Variants in GNAO1 observed in about 807,000 individuals in gnomAD.
GNAO1 encodes the protein G protein subunit alpha o1.
For synonymous variants in GNAO1, 164 were observed against 180.7 expected, an observed-to-expected ratio of 0.91 and a Z score of 0.74; for missense variants, 166 against 478.7, an observed-to-expected ratio of 0.35 and a Z score of 6.10.
chr16:56,207,845 G>A (rs2036344852), intron 2 of GNAO1, among the ~76,000 whole-genome samples: 1 of 152,194 alleles, frequency 6.6e-6, no homozygotes, highest in African/African-American at 2.4e-5. Flanking sequence ...CATGCAAAAT[G>A]TACATTAATC....
chr16:56,271,878 A>C (rs1256368929), intron 2 of GNAO1, among the ~76,000 whole-genome samples: 1 of 152,208 alleles, frequency 6.6e-6, no homozygotes, highest in Non-Finnish European at 1.5e-5. Context: ...TACCAGGGAC[A>C]CACAGCTCAT....
At chr16:56,325,081 C>T (rs1358198976) in intron 3 of GNAO1, among the ~76,000 whole-genome samples, 1 of 152,252 alleles carries the variant, frequency 6.6e-6, no homozygotes, top group Non-Finnish European at 1.5e-5. Flanking sequence ...CCACTCACTT[C>T]TAGAGCCACG....
intron 6 of GNAO1, among the ~76,000 whole-genome samples, chr16:56,339,122 G>A (rs566368759): frequency 3.9e-5 from 6 of 152,386 alleles, no homozygotes; most frequent in Admixed American, 1.3e-4. Context: ...GCTCATTGCC[G>A]TGGTGGCAGC....
chr16:56,299,295 C>G (rs2037318789), intron 3 of GNAO1, among the ~76,000 whole-genome samples: 1 of 152,242 alleles, frequency 6.6e-6, no homozygotes, highest in African/African-American at 2.4e-5. Context: ...AGAGAGAAGG[C>G]CTTTCTCACT....
At chr16:56,209,599 G>A (rs2036366402) in intron 2 of GNAO1, among the ~76,000 whole-genome samples, 1 of 152,140 alleles carries the variant, frequency 6.6e-6, no homozygotes, top group Non-Finnish European at 1.5e-5. Context: ...CCTGATCCAT[G>A]AGCATGATAT....
At chr16:56,207,581 C>T (rs149924672) in intron 2 of GNAO1, among the ~76,000 whole-genome samples, 90 of 152,224 alleles carry the variant, frequency 5.9e-4, no homozygotes, top group African/African-American at 2.0e-3. Context: ...TACTTTTTAC[C>T]AACTTGGATG....
intron 3 of GNAO1, among the ~76,000 whole-genome samples, chr16:56,285,573 C>T (rs1212134071): frequency 2.0e-5 from 3 of 152,210 alleles, no homozygotes; most frequent in East Asian, 1.9e-4. Flanking sequence ...CAGAGAGGGG[C>T]CTGCCTGGCC....
chr16:56,335,594 T>C (rs1429088968), intron 5 of GNAO1, among the ~76,000 whole-genome samples: 1 of 152,184 alleles, frequency 6.6e-6, no homozygotes, highest in African/African-American at 2.4e-5. Context: ...CCGCTCCTGT[T>C]CAGACTGAGG....
chr16:56,221,250 T>A (rs1596804839), intron 2 of GNAO1, among the ~76,000 whole-genome samples: 2 of 112,842 alleles, frequency 1.8e-5, no homozygotes, highest in African/African-American at 9.0e-5. Flanking sequence ...ATCTCAGGTA[T>A]TTTTTTTATA....
intron 6 of GNAO1, chr16:56,347,756 T>TGCCAG: frequency 1.1e-6 from 1 of 918,338 alleles, no homozygotes; most frequent in Non-Finnish European, 1.3e-6. Context: ...GTCCTCCCCT[T>TGCCAG]CCCTCCCCAC....
intron 2 of GNAO1, among the ~76,000 whole-genome samples, chr16:56,244,775 C>A (rs553524629): frequency 6.6e-6 from 1 of 152,240 alleles, no homozygotes; most frequent in Non-Finnish European, 1.5e-5. Context: ...CCAGTATAGC[C>A]AAGCTGGGCA....
chr16:56,321,620 C>T (rs2037571920), intron 3 of GNAO1, among the ~76,000 whole-genome samples: 1 of 152,196 alleles, frequency 6.6e-6, no homozygotes, highest in South Asian at 2.1e-4. Context: ...GCAGACCACT[C>T]AGACTGGGCT....
intron 3 of GNAO1, among the ~76,000 whole-genome samples, chr16:56,319,362 G>A (rs577240165): frequency 5.3e-5 from 8 of 152,276 alleles, no homozygotes; most frequent in African/African-American, 1.4e-4. Context: ...TCTGAGAAGC[G>A]CGGAAGAAGG....
chr16:56,325,230 A>C (rs2037619444), intron 3 of GNAO1, among the ~76,000 whole-genome samples: 1 of 152,320 alleles, frequency 6.6e-6, no homozygotes, highest in South Asian at 2.1e-4. Context: ...TAATCCCAAC[A>C]CTTTGGGAGG....
At chr16:56,194,564 C>T (rs961225073) in intron 2 of GNAO1, 4 of 239,792 alleles carry the variant, frequency 1.7e-5, no homozygotes, top group South Asian at 1.6e-4. Context: ...GCGGTCTGGG[C>T]GCGGGGCTCG....
At chr16:56,343,332 T>A (rs1012374012) in intron 6 of GNAO1, among the ~76,000 whole-genome samples, 43 of 149,836 alleles carry the variant, frequency 2.9e-4, no homozygotes, top group Non-Finnish European at 6.2e-4. Flanking sequence ...GTATTAAAAA[T>A]AATAATAATA....
rs1364222 is a variant in GNAO1 at position 56,237,172 on chromosome 16, A to G, written c.162-38759A>G. Among the ~76,000 whole-genome samples, 524 of 152,358 alleles carry G rather than the reference A, an allele frequency of 3.4e-3. 5 individuals are homozygous for G. The highest frequency in any genetic ancestry group is 0.012 in the African/African-American group (497 of 41,592). On this transcript the variant is annotated intron_variant, in intron 2 of 8. Coordinates refer to ENST00000262493, the MANE Select transcript of GNAO1 (RefSeq NM_020988.3). ...AGGTAAGTCTCTCTTATAATTGTAC[A>G]TGCTATCAACCAGTGCAAATTAATA...
At chr16:56,228,446 T>TATAC (rs1396538730) in intron 2 of GNAO1, among the ~76,000 whole-genome samples, 2 of 151,114 alleles carry the variant, frequency 1.3e-5, no homozygotes, top group African/African-American at 4.9e-5. Context: ...TGTATATATA[T>TATAC]ATACATATAT....
At chr16:56,330,643 A>T (rs1162864587) in intron 4 of GNAO1, among the ~76,000 whole-genome samples, 1 of 152,118 alleles carries the variant, frequency 6.6e-6, no homozygotes, top group Admixed American at 6.5e-5. Flanking sequence ...ACTGCCACCC[A>T]CTCTGGAATC....
Sources: allele counts gnomAD v4.1 joint callset (sites outside exome capture counted in the v4.1 genomes callset), GRCh38; gene constraint gnomAD v4.1.1; transcripts MANE v1.5; gene names NCBI Gene and HGNC (gene_info 2026-07-23, HGNC 2026-07-21).